Variants in ERCC1 observed in about 807,000 individuals in gnomAD.
ERCC1 encodes the protein DNA excision repair protein ERCC-1.
ERCC1 carries 36 observed loss-of-function variants against 37.6 expected under a neutral mutation model. The observed-to-expected ratio is 0.96, with a 90% CI of 0.73 to 1.26. The LOEUF is 1.26. Ranked by LOEUF, ERCC1 falls within the 50% of genes most tolerant of loss-of-function variation. The pLI is 0.00. For missense variants in ERCC1, 349 were observed against 376.5 expected (o/e 0.93, Z 0.60); for synonymous variants, 156 against 162.1 (o/e 0.96, Z 0.28).
intron 2 of ERCC1, among the ~76,000 whole-genome samples, chr19:45,422,760 A>AAAATAAAT (rs369407760): frequency 0.015 from 2,352 of 151,966 alleles, 69 homozygotes; most frequent in African/African-American, 0.054. Flanking sequence ...CTGTCTCAAA[A>AAAATAAAT]AAATAAATAA....
chr19:45,448,334 C>T lies in ERCC1; in HGVS notation c.-7-24953G>A, dbSNP rs147291725. On this transcript the variant is annotated intron_variant, in intron 1 of 8. Coordinates refer to the ERCC1 transcript ENST00000423698. ...AAGGCCCAGAGAGCAGACAGCTCAC[C>T]CCAACATCACACAGCAGTCAGCTGC... Among the ~76,000 whole-genome samples, 52 of 152,236 alleles carry T rather than the reference C, an allele frequency of 3.4e-4. No homozygotes were observed. In the East Asian group the frequency reaches 9.9e-3, roughly 29 times the overall value.
chr19:45,426,014 C>A (rs533546533), upstream of ERCC1, among the ~76,000 whole-genome samples: 1 of 151,478 alleles, frequency 6.6e-6, no homozygotes, highest in Non-Finnish European at 1.5e-5. Context: ...GAGGCCTAGG[C>A]GGGTGGATCA....
chr19:45,445,696 C>T (rs1022946369), intron 1 of ERCC1, among the ~76,000 whole-genome samples: 1 of 151,968 alleles, frequency 6.6e-6, no homozygotes, highest in African/African-American at 2.4e-5. Context: ...TGGAGGAACA[C>T]GGAGGCAGCT....
At chr19:45,444,389 C>T (rs1975204953) in intron 1 of ERCC1, among the ~76,000 whole-genome samples, 1 of 151,690 alleles carries the variant, frequency 6.6e-6, no homozygotes, top group South Asian at 2.1e-4. Context: ...CCAGGCCGCC[C>T]CCCCGCGGTG....
At chr19:45,433,980 C>T (rs775835612) in intron 1 of ERCC1, among the ~76,000 whole-genome samples, 6 of 151,190 alleles carry the variant, frequency 4.0e-5, no homozygotes, top group Admixed American at 1.3e-4. Context: ...TAAAAATACA[C>T]GCACACAAAA....
At chr19:45,425,082 A>ATTTTTTTTTTTTTTT (rs35314737), upstream of ERCC1, among the ~76,000 whole-genome samples, 1 of 116,950 alleles carries the variant, frequency 8.6e-6, no homozygotes, top group African/African-American at 3.2e-5. Context: ...TGCCCGGCTA[A>ATTTTTTTTTTTTTTT]TTTTTTTTTT....
Position 45,421,319 on chromosome 19 carries a change from G to A in ERCC1, c.180C>T (p.Tyr60=), listed in dbSNP as rs374750310. The change falls in exon 3 of 10, where the codon TAC becomes TAT. Residue 60 remains tyrosine (Y), a synonymous_variant. Coordinates refer to ENST00000300853, the MANE Select transcript of ERCC1 (RefSeq NM_001983.4). ...GAGGCTGTGAGATGGCATATTCGGC[G>A]TAGGTCTGAGGGGCCGCCTGGGCCG... is the stretch of plus-strand genomic sequence containing the variant. ...DTSAQAAPQT[Y]AEYAISQPLE... 2.5e-5 allele frequency: 41 copies of A among 1,614,006 alleles called. No individual in the cohort carries two copies. The highest frequency in any genetic ancestry group is 1.7e-4 in the Middle Eastern group (1 of 6,036).
chr19:45,438,884 G>A (rs1975048357), intron 1 of ERCC1, among the ~76,000 whole-genome samples: 1 of 151,898 alleles, frequency 6.6e-6, no homozygotes, highest in Non-Finnish European at 1.5e-5. Flanking sequence ...CAAGTGATCC[G>A]CCCCACTCGG....
At chr19:45,422,429 T>C (rs1325263256) in intron 2 of ERCC1, among the ~76,000 whole-genome samples, 2 of 152,034 alleles carry the variant, frequency 1.3e-5, no homozygotes, top group African/African-American at 2.4e-5. Flanking sequence ...TTCACGTCTC[T>C]ACCAAGATGT....
chr19:45,436,902 G>A (rs1340738000), intron 1 of ERCC1, among the ~76,000 whole-genome samples: 1 of 151,900 alleles, frequency 6.6e-6, no homozygotes, highest in Non-Finnish European at 1.5e-5. Flanking sequence ...GATCAACCTG[G>A]GCCATACAGT....
intron 1 of ERCC1, among the ~76,000 whole-genome samples, chr19:45,448,360 G>A (rs1371097128): frequency 6.6e-6 from 1 of 152,186 alleles, no homozygotes; most frequent in East Asian, 1.9e-4. Context: ...AGTCAGCTGC[G>A]AGGGGCTTGG....
chr19:45,409,354 GAGGA>G lies in ERCC1; in HGVS notation c.*317_*320del. On this transcript the variant is annotated 3_prime_UTR_variant, in exon 10 of 10. Coordinates refer to ENST00000300853, the MANE Select transcript of ERCC1 (RefSeq NM_001983.4). The stretch of plus-strand genomic sequence containing the variant: ...GGGCAACTCCGGGATCCACCAAGAA[GAGGA>G]AGAAGCAGAGTCAGGAAAGCCGGAT... 1 of 1,614,154 alleles carries G rather than the reference GAGGA, an allele frequency of 6.2e-7. No individual in the cohort carries two copies.
intron 1 of ERCC1, among the ~76,000 whole-genome samples, chr19:45,431,006 G>A (rs915164366): frequency 1.3e-5 from 2 of 152,116 alleles, no homozygotes; most frequent in Non-Finnish European, 2.9e-5. Context: ...AGGCTGGAGT[G>A]CAGTGGCACG....
chr19:45,418,851 A>G (rs953621187), intron 5 of ERCC1, among the ~76,000 whole-genome samples: 2 of 151,282 alleles, frequency 1.3e-5, no homozygotes, highest in Admixed American at 1.3e-4. Flanking sequence ...AACACAAAAC[A>G]AAAAGAAGAG....
chr19:45,445,048 G>A (rs563458894), intron 1 of ERCC1, among the ~76,000 whole-genome samples: 11 of 152,192 alleles, frequency 7.2e-5, no homozygotes, highest in East Asian at 1.9e-4. Context: ...GAGGAGTTTC[G>A]CTCTGTGGCC....
At chr19:45,438,662 A>G (rs1418464657) in intron 1 of ERCC1, among the ~76,000 whole-genome samples, 2 of 151,432 alleles carry the variant, frequency 1.3e-5, no homozygotes, top group Non-Finnish European at 2.9e-5. Context: ...ATTTTTTAAG[A>G]CAGAGTTTTG....
chr19:45,425,506 A>G (rs969104214), upstream of ERCC1, among the ~76,000 whole-genome samples: 4 of 151,708 alleles, frequency 2.6e-5, no homozygotes, highest in Admixed American at 2.6e-4. Flanking sequence ...CTCCTGCCTC[A>G]GCCTCCCAAG....
At chr19:45,440,906 C>G (rs1437433979) in intron 1 of ERCC1, among the ~76,000 whole-genome samples, 2 of 152,020 alleles carry the variant, frequency 1.3e-5, no homozygotes, top group South Asian at 2.1e-4. Flanking sequence ...GCTAATTTTT[C>G]ATTTTTTTGT....
Position 45,442,357 on chromosome 19 carries a change from C to T in ERCC1, c.-7-18976G>A, listed in dbSNP as rs570416167. On this transcript the variant is annotated intron_variant, in intron 1 of 8. Transcript: ENST00000423698. ...AAAAGAAAAAAAGTTTTGGTAACTA[C>T]AAAAGGGTATACCTTGGAAAAGTAA... 4.6e-5 allele frequency among the ~76,000 whole-genome samples: 7 copies of T among 151,384 alleles called. No individual in the cohort carries two copies. The East Asian group carries it at 1.4e-3, about 29-fold the overall frequency.
Sources: allele counts gnomAD v4.1 joint callset (sites outside exome capture counted in the v4.1 genomes callset), GRCh38; gene constraint gnomAD v4.1.1; transcripts MANE v1.5; gene names NCBI Gene and HGNC (gene_info 2026-07-23, HGNC 2026-07-21).